The following HCRTR2 variants were observed in gnomAD, a reference collection of about 807,000 sequenced individuals.
HCRTR2 encodes the protein hypocretin receptor 2, also known as orexin receptor type 2.
In HCRTR2, 22 loss-of-function variants were observed where a neutral mutation model predicts 49.0. The observed-to-expected ratio is 0.45, with a 90% CI of 0.32 to 0.64. HCRTR2 has a LOEUF of 0.64. Among genes scored for constraint, HCRTR2 ranks in the 30% least tolerant of loss-of-function variants. The pLI is 0.04. For missense variants in HCRTR2, 491 were observed against 559.4 expected, an observed-to-expected ratio of 0.88 and a Z score of 1.23; for synonymous variants, 236 against 205.3, an observed-to-expected ratio of 1.15 and a Z score of -1.28.
intron 1 of HCRTR2, among the ~76,000 whole-genome samples, chr6:55,122,210 G>A (rs1025232894): frequency 1.3e-5 from 2 of 152,108 alleles, no homozygotes; most frequent in African/African-American, 2.4e-5. Flanking sequence ...ATGTGTCGAG[G>A]AATTTATCCA....
chr6:55,173,496 T>C (rs1400009739), upstream of HCRTR2, among the ~76,000 whole-genome samples: 5 of 152,218 alleles, frequency 3.3e-5, no homozygotes. Flanking sequence ...TGACAAATGC[T>C]AGAATACTTA....
At chr6:55,195,505 G>A (rs1173350781) in intron 1 of HCRTR2, among the ~76,000 whole-genome samples, 2 of 152,170 alleles carry the variant, frequency 1.3e-5, no homozygotes, top group Non-Finnish European at 2.9e-5. Context: ...AATTGATCCA[G>A]TTTTTGGCTG....
At chr6:55,144,099 C>CTTTTTTTTTT (rs530138605) in intron 1 of HCRTR2, among the ~76,000 whole-genome samples, 10 of 85,358 alleles carry the variant, frequency 1.2e-4, no homozygotes, top group African/African-American at 4.3e-4. Context: ...CCCGTCCTGC[C>CTTTTTTTTTT]TTTTTTTTTT....
intron 1 of HCRTR2, among the ~76,000 whole-genome samples, chr6:55,119,906 C>A (rs1030219413): frequency 2.0e-5 from 3 of 151,944 alleles, no homozygotes; most frequent in African/African-American, 4.8e-5. Flanking sequence ...GGTTTTAGGT[C>A]TTACGTTTAA....
chr6:55,119,542 G>C (rs971762803), intron 1 of HCRTR2, among the ~76,000 whole-genome samples: 1 of 151,728 alleles, frequency 6.6e-6, no homozygotes, highest in African/African-American at 2.4e-5. Context: ...GTGATAATGA[G>C]CATTTTTTCA....
intron 1 of HCRTR2, among the ~76,000 whole-genome samples, chr6:55,216,055 A>G (rs1482583723): frequency 6.6e-6 from 1 of 152,240 alleles, no homozygotes; most frequent in African/African-American, 2.4e-5. Context: ...GGCTTTTATC[A>G]TAGGCCTAGT....
In HCRTR2 at chr6:55,111,834, T is replaced by C. The variant is rs1237961297; in HGVS notation, c.-378+5289T>C. ...CTAATACCAAAACCAGGAAAGGACCTAACAAGAAAATAAGACTAAAGACCA... is the reference window on the plus strand; with the variant it reads ...CTAATACCAAAACCAGGAAAGGACCCAACAAGAAAATAAGACTAAAGACCA... On this transcript the variant is annotated intron_variant, in intron 1 of 7. Coordinates refer to the HCRTR2 transcript ENST00000615358. 3.3e-5 allele frequency among the ~76,000 whole-genome samples: 5 copies of C among 151,982 alleles called. No homozygotes were observed. In the East Asian group the frequency reaches 9.7e-4, roughly 29 times the overall value.
At chr6:55,144,691 C>T (rs1361230255) in intron 1 of HCRTR2, among the ~76,000 whole-genome samples, 1 of 152,122 alleles carries the variant, frequency 6.6e-6, no homozygotes, top group Non-Finnish European at 1.5e-5. Context: ...TCTGCTCCCT[C>T]GCCTGCCCAC....
At chr6:55,188,730 T>C (rs976794468) in intron 1 of HCRTR2, among the ~76,000 whole-genome samples, 1 of 152,182 alleles carries the variant, frequency 6.6e-6, no homozygotes, top group Non-Finnish European at 1.5e-5. Context: ...GAATTTCTAA[T>C]CTTGTGGGGG....
intron 1 of HCRTR2, among the ~76,000 whole-genome samples, chr6:55,245,497 A>ATC (rs1302533170): frequency 1.2e-4 from 16 of 129,674 alleles, no homozygotes; most frequent in Admixed American, 2.3e-4. Flanking sequence ...ATATATATAT[A>ATC]TATATATATC....
At chr6:55,141,419 C>A (rs1276486067) in intron 1 of HCRTR2, among the ~76,000 whole-genome samples, 1 of 151,792 alleles carries the variant, frequency 6.6e-6, no homozygotes, top group African/African-American at 2.4e-5. Context: ...ATGAGAAAAC[C>A]AGGAAAGAGA....
intron 1 of HCRTR2, among the ~76,000 whole-genome samples, chr6:55,180,577 T>G (rs7768760): frequency 0.71 from 89,015 of 125,986 alleles, 28,034 homozygotes; most frequent in African/African-American, 0.85. Flanking sequence ...GTTCAGGGGG[T>G]TGACTCACTG....
intron 1 of HCRTR2, among the ~76,000 whole-genome samples, chr6:55,117,359 G>A (rs988716797): frequency 2.0e-5 from 3 of 151,720 alleles, no homozygotes; most frequent in Non-Finnish European, 4.4e-5. Context: ...CAGATCTAAA[G>A]TAGTAAACAA....
At chr6:55,258,531 T>A (rs1766695751) in intron 3 of HCRTR2, among the ~76,000 whole-genome samples, 4 of 152,138 alleles carry the variant, frequency 2.6e-5, no homozygotes, top group Non-Finnish European at 5.9e-5. Flanking sequence ...GCCTATTACT[T>A]CTTCATAAAA....
intron 3 of HCRTR2, among the ~76,000 whole-genome samples, chr6:55,258,385 CTT>C (rs1255099821): frequency 6.6e-6 from 1 of 152,022 alleles, no homozygotes; most frequent in African/African-American, 2.4e-5. Context: ...TATCAAATAA[CTT>C]TTGGAAAAGT....
intron 1 of HCRTR2, among the ~76,000 whole-genome samples, chr6:55,157,938 A>G (rs575544802): frequency 6.6e-5 from 10 of 152,336 alleles, no homozygotes; most frequent in African/African-American, 2.2e-4. Context: ...TGGGAGGACT[A>G]CAATAAATAC....
intron 1 of HCRTR2, among the ~76,000 whole-genome samples, chr6:55,128,228 T>C (rs567055022): frequency 6.6e-6 from 1 of 152,212 alleles, no homozygotes; most frequent in South Asian, 2.1e-4. Context: ...GATCAGTTAG[T>C]TGTAGGTGTA....
chr6:55,129,262 A>G (rs1764322512), intron 1 of HCRTR2, among the ~76,000 whole-genome samples: 1 of 152,112 alleles, frequency 6.6e-6, no homozygotes, highest in Non-Finnish European at 1.5e-5. Flanking sequence ...GACTAATCAT[A>G]TCCCCTTGTG....
At chr6:55,238,427 T>C (rs931146325) in intron 1 of HCRTR2, among the ~76,000 whole-genome samples, 6 of 152,196 alleles carry the variant, frequency 3.9e-5, no homozygotes. Context: ...ATATTCCGCC[T>C]AAGTAATCTT....
Sources: allele counts gnomAD v4.1 joint callset (sites outside exome capture counted in the v4.1 genomes callset), GRCh38; gene constraint gnomAD v4.1.1; transcripts MANE v1.5; gene names NCBI Gene and HGNC (gene_info 2026-07-23, HGNC 2026-07-21).